Variants in SNX22 observed in about 807,000 individuals in gnomAD.
The protein encoded by SNX22 is sorting nexin-22.
Under a neutral mutation model 24.7 loss-of-function variants are expected in SNX22, and 23 were observed. The observed-to-expected ratio is 0.93, with a 90% CI of 0.67 to 1.32. SNX22 has a LOEUF of 1.32. Ranked by LOEUF, SNX22 falls within the 40% of genes most tolerant of loss-of-function variation. SNX22 has a pLI of 0.00. For synonymous variants in SNX22, 99 were observed against 104.0 expected (o/e 0.95, Z 0.29); for missense variants, 261 against 249.9 (o/e 1.04, Z -0.30).
At position 64,155,152 on chromosome 15, in the gene SNX22, T is replaced by G. The variant is rs62024247; in HGVS notation, c.*644T>G. On this transcript the variant is annotated 3_prime_UTR_variant, in exon 7 of 7. Coordinates refer to ENST00000325881, the MANE Select transcript of SNX22 (RefSeq NM_024798.3). ...CTAATTTTTGTATTTTTAATAGAGA[T>G]GGGTTTCACCACGTTGGCCAGGCTG... 1 of 151,182 alleles carries G rather than the reference T, an allele frequency of 6.6e-6. No homozygotes were observed. Among genetic ancestry groups the G allele is most frequent in the South Asian group, 2.1e-4 (1 of 4,776 alleles). The allele number at this position is 151,182 out of a possible 1,614,324, so 9.4% of individuals were successfully genotyped here.
rs974103756 is a variant in SNX22, at chr15:64,157,069, C to G, written c.*2561C>G. 1 of 775,640 alleles carries G rather than the reference C, an allele frequency of 1.3e-6. No individual in the cohort carries two copies. 48.0% of individuals were successfully genotyped at this position (775,640 alleles called of 1,614,324 possible). ...CAGCGTCCTTCCTATCTTCTGGCCT[C>G]AGAGCCAAGCCATGCTGACTGAGGC... On this transcript the variant is annotated 3_prime_UTR_variant, in exon 7 of 7. Transcript: ENST00000325881. This position sits in a 1 kb window ranked among gnomAD's most constrained non-coding sequence, Gnocchi z 4.2.
intron 2 of SNX22, 84 bp from the exon 3 acceptor site, chr15:64,152,554 G>A (rs757676051): frequency 2.9e-6 from 4 of 1,383,404 alleles, no homozygotes; most frequent in Non-Finnish European, 3.0e-6. Context: ...GAAGGCGGGG[G>A]CGCGGGAGGG....
At chr15:64,152,012 G>A in intron 1 of SNX22, 162 bp downstream of exon 1, 1 of 821,034 alleles carries the variant, frequency 1.2e-6, no homozygotes, top group Non-Finnish European at 1.8e-6. Context: ...GGATTTGCCA[G>A]CCTCGCGGAC....
At chr15:64,152,587 C>T in intron 2 of SNX22, 51 bp from the exon 3 acceptor site, 1 of 1,550,322 alleles carries the variant, frequency 6.5e-7, no homozygotes, top group African/African-American at 1.4e-5. Flanking sequence ...GCGAAGAGGG[C>T]TTGAGGGCTC....
chr15:64,152,219 C>A, intron 1 of SNX22, 24 bp from the exon 2 acceptor site: 34 of 1,388,712 alleles, frequency 2.4e-5, no homozygotes, highest in Non-Finnish European at 3.1e-5. Context: ...CACGCGCAGA[C>A]CCGCTGCCCG....
In SNX22 at chr15:64,156,468, G is replaced by A. The variant is rs754733890; in HGVS notation, c.*1960G>A. On this transcript the variant is annotated 3_prime_UTR_variant, in exon 7 of 7. Transcript: ENST00000325881. The surrounding 1 kb of genome is among the most constrained non-coding windows in gnomAD (Gnocchi z 6.4). The stretch of plus-strand genomic sequence containing the variant: ...TCTGTATACCTCAGGGGTGGGACCA[G>A]CACGTCACTGAGTGAAGGAGGGGAG... The A allele has an allele frequency of 2.3e-5, 14 of 620,904 alleles. No homozygotes were observed. The highest frequency in any genetic ancestry group is 3.4e-5 in the Non-Finnish European group (12 of 350,474). 38.5% of individuals were successfully genotyped at this position (620,904 alleles called of 1,614,324 possible).
Position 64,153,932 on chromosome 15 carries a change from C to T in SNX22, c.393-3C>T, listed in dbSNP as rs1307092148. 1.9e-6 allele frequency: 3 copies of T among 1,611,132 alleles called. No individual in the cohort carries two copies. The highest frequency in any genetic ancestry group is 2.2e-5 in the South Asian group (2 of 90,874). ...CATGGTTCATGACCCTGTTTCCTCC[C>T]AGCTCCCAGCAGCACCAGCGGCCTG... On this transcript the variant is annotated splice_region_variant and splice_polypyrimidine_tract_variant and intron_variant, in intron 5 of 6. Coordinates refer to ENST00000325881, the MANE Select transcript of SNX22 (RefSeq NM_024798.3).
chr15:64,157,147 C>A lies in SNX22; in HGVS notation c.*2639C>A, dbSNP rs1366031566. ...TGGTGAACAGCTCACAGAAGGATTA[C>A]TTTGAGAAGATAGTTTTGTGGCTTT... is the stretch of plus-strand genomic sequence containing the variant. On this transcript the variant is annotated 3_prime_UTR_variant, in exon 7 of 7. Coordinates refer to ENST00000325881, the MANE Select transcript of SNX22 (RefSeq NM_024798.3). The surrounding 1 kb of genome is among the most constrained non-coding windows in gnomAD (Gnocchi z 4.2). The A allele has an allele frequency of 8.6e-6, 5 of 579,522 alleles. No homozygotes were observed. Among genetic ancestry groups the A allele is most frequent in the African/African-American group, 7.5e-5 (4 of 53,608 alleles). 35.9% of individuals were successfully genotyped at this position (579,522 alleles called of 1,614,324 possible). A position where few individuals can be genotyped will look rare whatever the true frequency, so the allele number is the denominator to read the frequency against.
chr15:64,152,747 GC>G lies in SNX22; in HGVS notation c.264+6del, dbSNP rs1426636266. On this transcript the variant is annotated splice_donor_region_variant and intron_variant, in intron 3 of 6. Coordinates refer to ENST00000325881, the MANE Select transcript of SNX22 (RefSeq NM_024798.3). The stretch of plus-strand genomic sequence containing the variant: ...GGCTTGGAGGCTTACATCCAGGTAT[GC>G]GAGAGCACAGTTGGTTGCCCCCCGG... The G allele has an allele frequency of 2.5e-6, 4 of 1,613,586 alleles. No individual in the cohort carries two copies. The highest frequency in any genetic ancestry group is 3.4e-6 in the Non-Finnish European group (4 of 1,179,650).
intron 3 of SNX22, 45 bp downstream of exon 3, chr15:64,152,787 G>C: frequency 1.3e-6 from 2 of 1,567,900 alleles, no homozygotes; most frequent in Non-Finnish European, 8.8e-7. Context: ...TCTGTGCCAG[G>C]GGTGTGGCCC....
At position 64,157,224 on chromosome 15, in the gene SNX22, C is replaced by T. The variant is rs556948116; in HGVS notation, c.*2716C>T. 13 of 397,880 alleles carry T rather than the reference C, an allele frequency of 3.3e-5. No homozygotes were observed. The East Asian group carries it at 3.5e-4, about 11-fold the overall frequency. 24.6% of individuals were successfully genotyped at this position (397,880 alleles called of 1,614,324 possible). On this transcript the variant is annotated 3_prime_UTR_variant, in exon 7 of 7. Transcript: ENST00000325881. This position sits in a 1 kb window ranked among gnomAD's most constrained non-coding sequence, Gnocchi z 4.2. ...CCTTAGCTATGGCCCAGGCCTGCCACGGAGGGACTTTGGTGGAGGGAAGTG... is the reference window on the plus strand; with the variant it reads ...CCTTAGCTATGGCCCAGGCCTGCCATGGAGGGACTTTGGTGGAGGGAAGTG...
chr15:64,152,465 C>A, intron 2 of SNX22, 139 bp downstream of exon 2: 1 of 1,245,400 alleles, frequency 8.0e-7, no homozygotes, highest in Non-Finnish European at 1.1e-6. Flanking sequence ...GGTCAGCCCC[C>A]GGGCCTCTGT....
chr15:64,152,789 G>T lies in SNX22; in HGVS notation c.264+47G>T, dbSNP rs753994878. ...TGCCCCCCGGCCTTCTGTGCCAGGG[G>T]TGTGGCCCAGACAGAGAGGTGTGGG... On this transcript the variant is annotated intron_variant, in intron 3 of 6. Coordinates refer to ENST00000325881, the MANE Select transcript of SNX22 (RefSeq NM_024798.3). The T allele has an allele frequency of 3.2e-6, 5 of 1,557,152 alleles. No homozygotes were observed. In the South Asian group the frequency reaches 4.5e-5, roughly 14 times the overall value.
In SNX22 at chr15:64,156,330, G is replaced by A. The variant is rs890861630; in HGVS notation, c.*1822G>A. On this transcript the variant is annotated 3_prime_UTR_variant, in exon 7 of 7. Coordinates refer to ENST00000325881, the MANE Select transcript of SNX22 (RefSeq NM_024798.3). This position sits in a 1 kb window ranked among gnomAD's most constrained non-coding sequence, Gnocchi z 6.4. The stretch of plus-strand genomic sequence containing the variant: ...CAGGGAGAATGCAGATTTGACGAGG[G>A]GGTACAGGAATTTTGTTCCTTTGAA... The A allele has an allele frequency of 1.2e-6, 1 of 822,100 alleles. No individual in the cohort carries two copies. The highest frequency in any genetic ancestry group is 1.7e-5 in the African/African-American group (1 of 59,252). The allele number at this position is 822,100 out of a possible 1,614,324, so 50.9% of individuals were successfully genotyped here. A position where few individuals can be genotyped will look rare whatever the true frequency, so the allele number is the denominator to read the frequency against.
At chr15:64,151,873 G>T (rs1412003256) in intron 1 of SNX22, 23 bp downstream of exon 1, 1 of 1,523,352 alleles carries the variant, frequency 6.6e-7, no homozygotes. Context: ...CCTGGATGGG[G>T]AGGGGCGCCG....
intron 2 of SNX22, 43 bp downstream of exon 2, chr15:64,152,369 G>C: frequency 6.7e-7 from 1 of 1,487,754 alleles, no homozygotes; most frequent in South Asian, 1.3e-5. Flanking sequence ...CCCAGCCTCT[G>C]TCCAGCCCCC....
rs2081524875 is a variant in SNX22, at chr15:64,155,819, T to G, written c.*1311T>G. 1.9e-6 allele frequency: 1 copy of G among 523,192 alleles called. No homozygotes were observed. Among genetic ancestry groups the G allele is most frequent in the East Asian group, 4.0e-5 (1 of 25,226 alleles). 32.4% of individuals were successfully genotyped at this position (523,192 alleles called of 1,614,324 possible). On this transcript the variant is annotated 3_prime_UTR_variant, in exon 7 of 7. Transcript: ENST00000325881. Reference sequence around the variant, plus strand: ...AAGAACCAGGCCCACACATTATATATTAAAAAAAAAAAAACCCACATTTTT... The same window carrying G: ...AAGAACCAGGCCCACACATTATATAGTAAAAAAAAAAAAACCCACATTTTT...
Position 64,156,394 on chromosome 15 carries a change from A to T in SNX22, c.*1886A>T. 1.6e-6 allele frequency: 1 copy of T among 632,814 alleles called. No homozygotes were observed. Among genetic ancestry groups the T allele is most frequent in the Admixed American group, 2.5e-5 (1 of 40,444 alleles). The allele number at this position is 632,814 out of a possible 1,614,324, so 39.2% of individuals were successfully genotyped here. ...TGGGCCAAGGGTGAGGAGGAGGAAGAGGGTGACCAGGGCATGTGGCTTCTC... is the reference window on the plus strand; with the variant it reads ...TGGGCCAAGGGTGAGGAGGAGGAAGTGGGTGACCAGGGCATGTGGCTTCTC... On this transcript the variant is annotated 3_prime_UTR_variant, in exon 7 of 7. Coordinates refer to ENST00000325881, the MANE Select transcript of SNX22 (RefSeq NM_024798.3). The surrounding 1 kb of genome is among the most constrained non-coding windows in gnomAD (Gnocchi z 6.4).
rs1249372261 is a variant in SNX22, at chr15:64,151,769, G to A, written c.-7G>A. 2.0e-5 allele frequency: 31 copies of A among 1,534,172 alleles called. No homozygotes were observed. The highest frequency in any genetic ancestry group is 2.4e-5 in the Non-Finnish European group (28 of 1,142,866). ...GAGCGCGCGGAGCAGCTGGGGCCGG[G>A]GCGCGGATGCTGGAAGTTCACATCC... On this transcript the variant is annotated 5_prime_UTR_variant, in exon 1 of 7. Coordinates refer to ENST00000325881, the MANE Select transcript of SNX22 (RefSeq NM_024798.3).
Sources: gnomAD v4.1 joint callset for allele counts on GRCh38, gnomAD v4.1.1 for gene constraint, Gnocchi (gnomAD v3.1) non-coding constraint, MANE v1.5 for transcripts, NCBI Gene and HGNC (gene_info 2026-07-23, HGNC 2026-07-21) for gene names.